L3MBTL3: variants seen among roughly 807,000 people sequenced by gnomAD.
The protein encoded by L3MBTL3 is lethal(3)malignant brain tumor-like protein 3.
L3MBTL3 carries 27 observed loss-of-function variants against 102.3 expected under a neutral mutation model. The ratio of observed to expected loss-of-function variants is 0.26; its 90% confidence interval spans 0.19 to 0.36. The LOEUF (loss-of-function observed/expected upper bound fraction) is 0.36. Ranked by LOEUF, L3MBTL3 falls within the 10% of genes least tolerant of loss-of-function variation. The pLI is 1.00. For synonymous variants in L3MBTL3, 340 were observed against 320.9 expected (o/e 1.06, Z -0.64); for missense variants, 798 against 955.3 (o/e 0.84, Z 2.17).
intron 7 of L3MBTL3, 67 bp from the exon 8 acceptor site, chr6:130,055,104 C>A (rs1169584211): frequency 2.2e-5 from 25 of 1,131,528 alleles, no homozygotes; most frequent in Non-Finnish European, 3.1e-5. Context: ...TTTCTGATAG[C>A]TCTCTAACTA....
intron 20 of L3MBTL3, among the ~76,000 whole-genome samples, chr6:130,124,463 T>G (rs1003622970): frequency 6.6e-6 from 1 of 152,210 alleles, no homozygotes; most frequent in Non-Finnish European, 1.5e-5. Flanking sequence ...CTCTTGGTTT[T>G]GAAAATGAAC....
chr6:130,117,822 C>T (rs1436226872), intron 19 of L3MBTL3, among the ~76,000 whole-genome samples: 4 of 149,556 alleles, frequency 2.7e-5, no homozygotes, highest in Non-Finnish European at 5.9e-5. Context: ...GCCTCAGCTT[C>T]CCAAGTAGCT....
chr6:130,128,671 G>GA (rs1408878315), intron 20 of L3MBTL3, among the ~76,000 whole-genome samples: 13 of 152,180 alleles, frequency 8.5e-5, no homozygotes, highest in African/African-American at 2.7e-4. Flanking sequence ...ACTTTGAGAT[G>GA]ATTGTTAGCG....
intron 7 of L3MBTL3, among the ~76,000 whole-genome samples, chr6:130,054,580 G>T (rs560885237): frequency 6.6e-6 from 1 of 152,288 alleles, no homozygotes; most frequent in East Asian, 1.9e-4. Flanking sequence ...TTTAACAATT[G>T]GCTGGATAAT....
chr6:130,127,846 G>C (rs1382084607), intron 20 of L3MBTL3, among the ~76,000 whole-genome samples: 1 of 151,976 alleles, frequency 6.6e-6, no homozygotes, highest in African/African-American at 2.4e-5. Context: ...CCTGCTGCTA[G>C]TTTATATAAC....
chr6:130,107,806 CTCT>C (rs910937909), intron 19 of L3MBTL3, among the ~76,000 whole-genome samples: 1 of 152,138 alleles, frequency 6.6e-6, no homozygotes, highest in African/African-American at 2.4e-5. Flanking sequence ...CAACTAAACT[CTCT>C]TAGGGGTTTT....
chr6:130,041,396 C>A (rs1319185438), intron 2 of L3MBTL3, among the ~76,000 whole-genome samples: 2 of 152,136 alleles, frequency 1.3e-5, no homozygotes, highest in African/African-American at 4.8e-5. Context: ...CACTTATTAG[C>A]TGGAATTCTT....
chr6:130,064,310 G>A (rs1237106842), intron 10 of L3MBTL3, among the ~76,000 whole-genome samples: 2 of 152,174 alleles, frequency 1.3e-5, no homozygotes, highest in Non-Finnish European at 2.9e-5. Flanking sequence ...TAGAGTTTCT[G>A]TTGAGATTGA....
At chr6:130,120,710 T>A (rs978792419) in intron 19 of L3MBTL3, among the ~76,000 whole-genome samples, 169 bp from the exon 20 acceptor site, 14 of 152,216 alleles carry the variant, frequency 9.2e-5, no homozygotes, top group Admixed American at 2.0e-4. Context: ...AAATGGGCAT[T>A]TATAGGTGTT....
chr6:130,129,739 G>C (rs1786879703), intron 20 of L3MBTL3, among the ~76,000 whole-genome samples: 1 of 152,172 alleles, frequency 6.6e-6, no homozygotes, highest in African/African-American at 2.4e-5. Flanking sequence ...CAGGCAAAGG[G>C]AGGTGGCTGA....
At chr6:130,046,529 G>T (rs958834552) in intron 3 of L3MBTL3, among the ~76,000 whole-genome samples, 5 of 152,176 alleles carry the variant, frequency 3.3e-5, no homozygotes, top group Admixed American at 6.5e-5. Context: ...ATTAAAGGTA[G>T]TTCAAGCCAA....
In L3MBTL3 at chr6:130,133,577, G is replaced by A. The variant is rs749415822; in HGVS notation, c.2092G>A (p.Ala698Thr). 8.1e-6 allele frequency: 13 copies of A among 1,613,810 alleles called. No homozygotes were observed. The highest frequency in any genetic ancestry group is 2.2e-5 in the East Asian group (1 of 44,854). The change falls in exon 21 of 23, where the codon GCA (alanine) becomes ACA (threonine). Residue 698 changes from alanine (A) to threonine (T), a missense_variant. Ala to Thr is a moderately conservative substitution (Grantham distance 58). Coordinates refer to ENST00000361794, the MANE Select transcript of L3MBTL3 (RefSeq NM_032438.4). The surrounding 1 kb of genome is among the most constrained non-coding windows in gnomAD (Gnocchi z 4.9). Reference protein sequence around the residue: ...EQQSKLLPTVAGIPASKVSKW... With the variant: ...EQQSKLLPTVTGIPASKVSKW... ...GCAAAGCAAACTTCTTCCAACTGTCGCAGGAATCCCTGCCAGTAAAGTTTC... is the reference window on the plus strand; with the variant it reads ...GCAAAGCAAACTTCTTCCAACTGTCACAGGAATCCCTGCCAGTAAAGTTTC...
At chr6:130,068,535 T>C (rs1053556170) in intron 12 of L3MBTL3, 114 bp downstream of exon 12, 2 of 596,710 alleles carry the variant, frequency 3.4e-6, no homozygotes, top group African/African-American at 3.7e-5. Context: ...CCTTGGTAAA[T>C]AGAGTACTCT....
intron 2 of L3MBTL3, among the ~76,000 whole-genome samples, chr6:130,023,583 ATGTCAC>A (rs1779146343): frequency 6.6e-6 from 1 of 152,214 alleles, no homozygotes; most frequent in African/African-American, 2.4e-5. Context: ...CACCTTGTAT[ATGTCAC>A]TCTACCTCCT....
chr6:130,072,196 AC>A (rs1782681853), intron 13 of L3MBTL3, among the ~76,000 whole-genome samples: 1 of 152,266 alleles, frequency 6.6e-6, no homozygotes, highest in South Asian at 2.1e-4. Context: ...ATACAGTATA[AC>A]AATTATTTAC....
chr6:130,079,680 G>A (rs1031928733), intron 14 of L3MBTL3, among the ~76,000 whole-genome samples: 13 of 152,144 alleles, frequency 8.5e-5, no homozygotes, highest in Non-Finnish European at 2.9e-5. Context: ...TTCGAATGTA[G>A]CCTGCAGCAT....
intron 19 of L3MBTL3, among the ~76,000 whole-genome samples, chr6:130,110,606 G>A (rs1482830560): frequency 6.6e-6 from 1 of 152,144 alleles, no homozygotes; most frequent in East Asian, 1.9e-4. Flanking sequence ...TGAGATGATG[G>A]GGTTTTCTAA....
At chr6:130,138,593 A>C (rs767960095) in intron 22 of L3MBTL3, 8 of 152,174 alleles carry the variant, frequency 5.3e-5, no homozygotes, top group Non-Finnish European at 8.8e-5. Context: ...CTATTTCCAA[A>C]TAAAAGTCAC....
chr6:130,058,150 A>C (rs1275827527), intron 9 of L3MBTL3, among the ~76,000 whole-genome samples: 5 of 10,544 alleles, frequency 4.7e-4, no homozygotes, highest in Non-Finnish European at 3.2e-3. Flanking sequence ...ACTCCGTCTC[A>C]AAAAAAAAAA....
Sources: gnomAD v4.1 joint callset for allele counts (sites outside exome capture counted in the v4.1 genomes callset) on GRCh38, gnomAD v4.1.1 for gene constraint, Gnocchi (gnomAD v3.1) non-coding constraint, MANE v1.5 for transcripts, NCBI Gene and HGNC (gene_info 2026-07-23, HGNC 2026-07-21) for gene names.